The following AMPD3 variants were observed in gnomAD, a reference collection of about 807,000 sequenced individuals.
AMPD3 encodes adenosine monophosphate deaminase 3.
AMPD3 carries 57 observed loss-of-function variants against 82.3 expected under a neutral mutation model. The ratio of observed to expected loss-of-function variants is 0.69; its 90% CI spans 0.56 to 0.86. The LOEUF is 0.86. AMPD3 is among the 40% of genes least tolerant of loss of function. The probability of loss-of-function intolerance (pLI) is 0.00; values close to 1 mark genes in which losing one functional copy is unlikely to be tolerated. For synonymous variants in AMPD3, 381 were observed against 394.7 expected (o/e 0.97, Z 0.41); for missense variants, 870 against 1,003.8 (o/e 0.87, Z 1.80).
At chr11:10,479,912 G>A (rs1413450175) in intron 3 of AMPD3, 3 of 985,310 alleles carry the variant, frequency 3.0e-6, no homozygotes, top group Non-Finnish European at 3.6e-6. Context: ...AAACAATGCA[G>A]GCCTTGTCTG....
In AMPD3 at chr11:10,461,129, A is replaced by G. The variant is rs1848256865; in HGVS notation, c.-5-386A>G. ...AGGTTTGATTATTGTTGCAGCTATAACAGTATCCTCATAGTCTGGAGGAGG... is the reference window on the plus strand; with the variant it reads ...AGGTTTGATTATTGTTGCAGCTATAGCAGTATCCTCATAGTCTGGAGGAGG... On this transcript the variant is annotated intron_variant, in intron 1 of 14. Transcript: ENST00000396553. 15 of 1,195,716 alleles carry G rather than the reference A, an allele frequency of 1.3e-5. No homozygotes were observed. The South Asian group carries it at 1.9e-4, about 15-fold the overall frequency. The allele number at this position is 1,195,716 out of a possible 1,614,324, so 74.1% of individuals were successfully genotyped here. A position where few individuals can be genotyped will look rare whatever the true frequency, so the allele number is the denominator to read the frequency against.
chr11:10,473,851 C>T (rs1361319026), intron 2 of AMPD3, among the ~76,000 whole-genome samples: 1 of 152,158 alleles, frequency 6.6e-6, no homozygotes, highest in Non-Finnish European at 1.5e-5. Flanking sequence ...GGATGCCTGT[C>T]CCGCCTGATG....
intron 14 of AMPD3, among the ~76,000 whole-genome samples, 196 bp downstream of exon 14, chr11:10,504,855 CT>C (rs1187150829): frequency 1.3e-5 from 2 of 152,212 alleles, no homozygotes; most frequent in Non-Finnish European, 1.5e-5. Context: ...ACCTCTACGC[CT>C]CCTTGGAGAG....
chr11:10,487,449 C>T (rs1326065022), intron 6 of AMPD3, 85 bp downstream of exon 6: 1 of 1,593,500 alleles, frequency 6.3e-7, no homozygotes, highest in Admixed American at 1.7e-5. Flanking sequence ...TGAGGCTTGT[C>T]CCCTGTGAGA....
At chr11:10,496,617 G>A (rs1027965120) in intron 9 of AMPD3, 195 bp from the exon 10 acceptor site, 2 of 1,436,340 alleles carry the variant, frequency 1.4e-6, no homozygotes, top group South Asian at 1.3e-5. Context: ...TGTGGAGCTT[G>A]CAAACCAAGG....
upstream of AMPD3, chr11:10,450,478 G>T: frequency 1.0e-6 from 1 of 985,636 alleles, no homozygotes; most frequent in South Asian, 4.7e-5. Context: ...CCAGAGTCTC[G>T]CGCTGGGAAA....
At chr11:10,496,738 T>A in intron 9 of AMPD3, 74 bp from the exon 10 acceptor site, 1 of 1,611,544 alleles carries the variant, frequency 6.2e-7, no homozygotes, top group South Asian at 1.1e-5. Context: ...CCTGAGGAAG[T>A]GACTGGGGCT....
chr11:10,465,993 G>T (rs923286757), intron 2 of AMPD3, among the ~76,000 whole-genome samples: 5 of 152,114 alleles, frequency 3.3e-5, no homozygotes. Flanking sequence ...CAGGCGCAGT[G>T]GCTCATGCCT....
chr11:10,482,895 G>A (rs1299629028), intron 4 of AMPD3, among the ~76,000 whole-genome samples: 2 of 152,168 alleles, frequency 1.3e-5, no homozygotes, highest in African/African-American at 2.4e-5. Flanking sequence ...GGATCGGGGT[G>A]GGAGTAGGAA....
chr11:10,455,873 C>G (rs1000172404), intron 1 of AMPD3: 1 of 981,370 alleles, frequency 1.0e-6, no homozygotes, highest in East Asian at 1.1e-4. Flanking sequence ...TGAGACCAAT[C>G]CCCTTGATAA....
rs539805022 is a variant in AMPD3 at position 10,494,138 on chromosome 11, A to ATCC, written c.1134+597_1134+598insCTC. Among the ~76,000 whole-genome samples, 73 of 152,380 alleles carry ATCC rather than the reference A, an allele frequency of 4.8e-4. 1 individual carries two copies. The highest frequency in any genetic ancestry group is 2.7e-3 in the South Asian group (13 of 4,832). ...ATGTGGTATATCCATACAACGGAAT[A>ATCC]TCATTCAGCCATAAAAGGGAGTCAA... On this transcript the variant is annotated intron_variant, in intron 7 of 14. Coordinates refer to ENST00000396553, the MANE Select transcript of AMPD3 (RefSeq NM_001025389.2).
upstream of AMPD3, chr11:10,450,607 T>C: frequency 1.0e-6 from 1 of 991,618 alleles, no homozygotes; most frequent in South Asian, 4.7e-5. Context: ...TGCTCCGGGC[T>C]GCGGCGCGGG....
intron 2 of AMPD3, among the ~76,000 whole-genome samples, chr11:10,467,562 G>A (rs1473527009): frequency 1.3e-5 from 2 of 152,130 alleles, no homozygotes; most frequent in Non-Finnish European, 2.9e-5. Context: ...TGAAAGTGAC[G>A]GGGAGAATCG....
intron 11 of AMPD3, chr11:10,500,773 C>T (rs1207301468): frequency 1.0e-6 from 1 of 985,344 alleles, no homozygotes; most frequent in Admixed American, 6.1e-5. Context: ...CATGCCCTTA[C>T]AGGCAGAGGC....
intron 2 of AMPD3, among the ~76,000 whole-genome samples, chr11:10,470,106 C>G (rs1271644274): frequency 6.6e-6 from 1 of 151,660 alleles, no homozygotes; most frequent in Non-Finnish European, 1.5e-5. Context: ...CATCAAAAAG[C>G]TTATCCACCA....
At chr11:10,453,145 T>TC (rs1367591805), upstream of AMPD3, among the ~76,000 whole-genome samples, 1 of 152,172 alleles carries the variant, frequency 6.6e-6, no homozygotes, top group Non-Finnish European at 1.5e-5. Context: ...AGATGGGGTT[T>TC]CCCCATGTTG....
At chr11:10,471,942 A>G (rs12285554) in intron 2 of AMPD3, among the ~76,000 whole-genome samples, 27 of 152,344 alleles carry the variant, frequency 1.8e-4, no homozygotes, top group African/African-American at 6.0e-4. Context: ...CAATCCCATT[A>G]CTGGGTATAT....
chr11:10,477,850 A>G, intron 2 of AMPD3: 5 of 982,918 alleles, frequency 5.1e-6, no homozygotes, highest in Non-Finnish European at 6.0e-6. Context: ...AAGTAGGCTG[A>G]TCTTGCAGAT....
intron 2 of AMPD3, among the ~76,000 whole-genome samples, chr11:10,474,317 T>C (rs1049298881): frequency 6.6e-6 from 1 of 152,186 alleles, no homozygotes; most frequent in African/African-American, 2.4e-5. Context: ...TTGGCTCCAG[T>C]GCCCCTCCCT....
Sources: gnomAD v4.1 joint callset for allele counts (sites outside exome capture counted in the v4.1 genomes callset) on GRCh38, gnomAD v4.1.1 for gene constraint, MANE v1.5 for transcripts, NCBI Gene and HGNC (gene_info 2026-07-23, HGNC 2026-07-21) for gene names.